Variants in SSPN observed in about 807,000 individuals in gnomAD.
The protein encoded by SSPN is sarcospan, also known as K-ras oncogene-associated protein.
SSPN carries 15 observed loss-of-function variants against 19.1 expected under a neutral mutation model. That is an observed-to-expected ratio of 0.78 (90% confidence interval 0.52 to 1.21). The LOEUF (loss-of-function observed/expected upper bound fraction) is 1.21. SSPN is among the 50% of genes most tolerant of loss of function. The probability of loss-of-function intolerance (pLI) is 0.00; values close to 1 mark genes in which losing one functional copy is unlikely to be tolerated. For missense variants in SSPN, 291 were observed against 314.0 expected, an observed-to-expected ratio of 0.93 and a Z score of 0.55; for synonymous variants, 147 against 140.3, an observed-to-expected ratio of 1.05 and a Z score of -0.34.
chr12:26,171,537 G>A (rs541195049), intron 1 of SSPN, among the ~76,000 whole-genome samples: 1 of 152,124 alleles, frequency 6.6e-6, no homozygotes, highest in East Asian at 1.9e-4. Context: ...TAAACACAAT[G>A]AATACTGAAG....
intron 1 of SSPN, among the ~76,000 whole-genome samples, chr12:26,137,338 A>G (rs187860467): frequency 6.6e-6 from 1 of 152,214 alleles, no homozygotes; most frequent in Admixed American, 6.5e-5. Flanking sequence ...CAGCATTTCT[A>G]TTTACCTCCA....
At position 26,230,912 on chromosome 12, in the gene SSPN, AC is replaced by A. The variant is rs752820579; in HGVS notation, c.569del (p.Thr190IlefsTer10). The A allele has an allele frequency of 8.7e-6, 14 of 1,614,038 alleles. No homozygotes were observed. Among genetic ancestry groups the A allele is most frequent in the Non-Finnish European group, 1.2e-5 (14 of 1,180,046 alleles). On this transcript the variant is annotated frameshift_variant, in exon 3 of 3. Transcript: ENST00000242729. LOFTEE classifies it high-confidence loss of function. ...GACGGACTGTACCAGCGTCACTGGC[AC>A]TTTCAAACTGTTCTTACTCATCCAG... ...DVTDCTSVTG[T>X]FKLFLLIQMI... is the part of the protein sequence containing the mutation.
chr12:26,227,203 G>A (rs1945187020), intron 2 of SSPN, among the ~76,000 whole-genome samples: 1 of 152,182 alleles, frequency 6.6e-6, no homozygotes, highest in Admixed American at 6.5e-5. Flanking sequence ...GTTGCTGTCA[G>A]ATGAGTTAAA....
At chr12:26,209,795 CGTGTGTGT>C (rs56680376) in intron 1 of SSPN, among the ~76,000 whole-genome samples, 69,747 of 144,822 alleles carry the variant, frequency 0.48, 17,382 homozygotes, top group East Asian at 0.65. Context: ...ATTCTTAGAG[CGTGTGTGT>C]GTGTGTGTGT....
chr12:26,189,512 A>G (rs148159563), intron 1 of SSPN, among the ~76,000 whole-genome samples: 132 of 152,292 alleles, frequency 8.7e-4, no homozygotes, highest in Admixed American at 3.0e-3. Flanking sequence ...CAAGGAACTT[A>G]TCTGATCAAA....
chr12:26,223,248 T>G (rs1945141773), intron 1 of SSPN, among the ~76,000 whole-genome samples: 1 of 152,230 alleles, frequency 6.6e-6, no homozygotes, highest in African/African-American at 2.4e-5. Flanking sequence ...TTCGCTCTTG[T>G]TACCCAGACT....
At chr12:26,222,323 A>C (rs531426680) in intron 1 of SSPN, among the ~76,000 whole-genome samples, 72 of 152,342 alleles carry the variant, frequency 4.7e-4, no homozygotes, top group African/African-American at 1.6e-3. Flanking sequence ...ACAACTTGGC[A>C]GTGGATGAGG....
At chr12:26,225,821 G>A (rs1346615916) in intron 2 of SSPN, among the ~76,000 whole-genome samples, 5 of 150,138 alleles carry the variant, frequency 3.3e-5, no homozygotes, top group African/African-American at 9.8e-5. Flanking sequence ...TCATCCAGTA[G>A]CTGAAGAACA....
In SSPN at chr12:26,195,596, C is replaced by A. The variant is rs1160164824; in HGVS notation, c.-77C>A. The A allele has an allele frequency of 3.7e-6, 5 of 1,336,866 alleles. No individual in the cohort carries two copies. Among genetic ancestry groups the A allele is most frequent in the Non-Finnish European group, 4.8e-6 (5 of 1,050,520 alleles). The allele number at this position is 1,336,866 out of a possible 1,614,324, so 82.8% of individuals were successfully genotyped here. ...CCATAATTCGAATACCAGGGCAGGC[C>A]GAGCCAGCCGTGCGCCGCGCTCCAG... On this transcript the variant is annotated 5_prime_UTR_variant, in exon 1 of 3. Coordinates refer to ENST00000242729, the MANE Select transcript of SSPN (RefSeq NM_005086.5).
chr12:26,129,948 C>A (rs1454389723), intron 1 of SSPN, among the ~76,000 whole-genome samples: 1 of 152,136 alleles, frequency 6.6e-6, no homozygotes, highest in Non-Finnish European at 1.5e-5. Context: ...CAAAAGACAA[C>A]TAGGAGAGAG....
Position 26,182,646 on chromosome 12 carries a change from TCCCTC to T in SSPN, c.-30-41640_-30-41636del, listed in dbSNP as rs1219800520. 1.0e-3 allele frequency among the ~76,000 whole-genome samples: 127 copies of T among 121,670 alleles called. 2 individuals carry two copies. Among genetic ancestry groups the T allele is most frequent in the Middle Eastern group, 5.7e-3 (1 of 176 alleles). The allele number at this position is 121,670 out of a possible 152,430, so 79.8% of individuals were successfully genotyped here. The stretch of plus-strand genomic sequence containing the variant: ...TCCCTTCCCTTCCCTTCCCTTCCCT[TCCCTC>T]CCCTCCAGTGGCTTGCAATCCTAGT... On this transcript the variant is annotated intron_variant, in intron 1 of 2. Coordinates refer to the SSPN transcript ENST00000538142.
At chr12:26,166,427 C>T (rs988300453) in intron 1 of SSPN, among the ~76,000 whole-genome samples, 1 of 152,088 alleles carries the variant, frequency 6.6e-6, no homozygotes, top group African/African-American at 2.4e-5. Context: ...TGAAAGGAAC[C>T]ATCAAAATTA....
At chr12:26,130,710 G>A (rs1317931336) in intron 1 of SSPN, among the ~76,000 whole-genome samples, 1 of 152,194 alleles carries the variant, frequency 6.6e-6, no homozygotes, top group Non-Finnish European at 1.5e-5. Context: ...CATAAAAGAA[G>A]TCTGAAGGTA....
At chr12:26,146,501 A>G (rs1348285720) in intron 1 of SSPN, among the ~76,000 whole-genome samples, 1 of 152,180 alleles carries the variant, frequency 6.6e-6, no homozygotes, top group Non-Finnish European at 1.5e-5. Flanking sequence ...AAACTTTAGC[A>G]TTAGTAGGAA....
In SSPN at chr12:26,202,729, C is replaced by T. The variant is rs1944897412; in HGVS notation, c.279+6778C>T. Among the ~76,000 whole-genome samples the T allele has an allele frequency of 2.0e-5, 3 of 152,170 alleles. No homozygotes were observed. In the South Asian group the frequency reaches 6.2e-4, roughly 32 times the overall value. On this transcript the variant is annotated intron_variant, in intron 1 of 2. Coordinates refer to ENST00000242729, the MANE Select transcript of SSPN (RefSeq NM_005086.5). ...GACATTTCTATTAAGGATGGTCTTTCACTGGATCCACTTGGTTGTATTGTG... is the reference window on the plus strand; with the variant it reads ...GACATTTCTATTAAGGATGGTCTTTTACTGGATCCACTTGGTTGTATTGTG...
intron 2 of SSPN, among the ~76,000 whole-genome samples, chr12:26,227,042 A>G (rs1427044995): frequency 6.6e-6 from 1 of 151,992 alleles, no homozygotes; most frequent in Non-Finnish European, 1.5e-5. Flanking sequence ...TGACACCCGC[A>G]AGACAGATGC....
At chr12:26,129,466 G>C (rs1293271357) in intron 1 of SSPN, among the ~76,000 whole-genome samples, 1 of 152,172 alleles carries the variant, frequency 6.6e-6, no homozygotes, top group Non-Finnish European at 1.5e-5. Flanking sequence ...CAGAAAGAAG[G>C]GTGCCTCAGA....
intron 1 of SSPN, among the ~76,000 whole-genome samples, chr12:26,152,181 C>A (rs886234941): frequency 6.6e-6 from 1 of 152,166 alleles, no homozygotes; most frequent in Non-Finnish European, 1.5e-5. Flanking sequence ...GGTGTAAATA[C>A]TCCCACCGTG....
At chr12:26,140,765 G>T (rs527497010) in intron 1 of SSPN, among the ~76,000 whole-genome samples, 27 of 152,240 alleles carry the variant, frequency 1.8e-4, no homozygotes, top group African/African-American at 6.5e-4. Flanking sequence ...CAGCCATGCT[G>T]CTTGTACTGC....
Sources: gnomAD v4.1 joint callset for allele counts (sites outside exome capture counted in the v4.1 genomes callset) on GRCh38, gnomAD v4.1.1 for gene constraint, MANE v1.5 for transcripts, NCBI Gene and HGNC (gene_info 2026-07-23, HGNC 2026-07-21) for gene names.